The following SPAST variants were observed in gnomAD, a reference collection of about 807,000 sequenced individuals.
SPAST encodes spastin.
SPAST carries 30 observed loss-of-function variants against 76.6 expected under a neutral mutation model. The observed-to-expected ratio is 0.39, with a 90% CI of 0.29 to 0.53. The LOEUF (loss-of-function observed/expected upper bound fraction) is 0.53, where lower values mean the gene tolerates loss of function less well. Ranked by LOEUF, SPAST falls within the 20% of genes least tolerant of loss-of-function variation. The pLI is 0.68. For missense variants in SPAST, 717 were observed against 770.5 expected, an observed-to-expected ratio of 0.93 and a Z score of 0.82; for synonymous variants, 305 against 281.0, an observed-to-expected ratio of 1.09 and a Z score of -0.86.
intron 7 of SPAST, among the ~76,000 whole-genome samples, chr2:32,120,184 C>G (rs537063615): frequency 6.6e-6 from 1 of 151,944 alleles, no homozygotes; most frequent in African/African-American, 2.4e-5. Context: ...TAAACATAAG[C>G]CTTTCTTCTT....
At chr2:32,108,131 A>G (rs1678395204) in intron 4 of SPAST, among the ~76,000 whole-genome samples, 1 of 152,192 alleles carries the variant, frequency 6.6e-6, no homozygotes, top group African/African-American at 2.4e-5. Flanking sequence ...CTATTATAAT[A>G]TGTTTAAAGA....
chr2:32,111,463 T>C (rs1032670840), intron 4 of SPAST, among the ~76,000 whole-genome samples: 5 of 149,918 alleles, frequency 3.3e-5, no homozygotes, highest in Non-Finnish European at 7.4e-5. Flanking sequence ...ATATAGAGTA[T>C]ATATAGTTAC....
In SPAST at chr2:32,130,319, A is replaced by G. The variant is rs999462694; in HGVS notation, c.1245+1840A>G. The G allele has an allele frequency of 6.9e-5, 10 of 144,068 alleles. No homozygotes were observed. In the South Asian group the frequency reaches 9.9e-4, roughly 14 times the overall value. 8.9% of individuals were successfully genotyped at this position (144,068 alleles called of 1,614,324 possible). ...CAAAAACAAAACAAAACAAACTTTT[A>G]TGGTTGAAAGTGTTTTGGCAAACAT... On this transcript the variant is annotated intron_variant, in intron 9 of 16. Transcript: ENST00000315285.
chr2:32,147,205 T>A lies in SPAST; in HGVS notation c.1688-13T>A. The A allele has an allele frequency of 1.2e-6, 2 of 1,604,588 alleles. No individual in the cohort carries two copies. Among genetic ancestry groups the A allele is most frequent in the Non-Finnish European group, 1.7e-6 (2 of 1,171,520 alleles). ...GTATGTATTTTTAAGTGCCTGACTT[T>A]TATGTTTTACAGAACTAAAACCAGA... On this transcript the variant is annotated splice_polypyrimidine_tract_variant and intron_variant, in intron 15 of 16. Coordinates refer to ENST00000315285, the MANE Select transcript of SPAST (RefSeq NM_014946.4).
At chr2:32,098,745 C>T (rs1193813916) in intron 3 of SPAST, 51 bp from the exon 4 acceptor site, 1 of 1,197,130 alleles carries the variant, frequency 8.4e-7, no homozygotes, top group Non-Finnish European at 1.2e-6. Flanking sequence ...TGTTCATTAT[C>T]TTTTTTCTTT....
At chr2:32,083,764 A>ATTTTTTTTTT (rs1677352200) in intron 1 of SPAST, among the ~76,000 whole-genome samples, 1 of 45,200 alleles carries the variant, frequency 2.2e-5, no homozygotes, top group African/African-American at 9.5e-5. Flanking sequence ...ATATATATAT[A>ATTTTTTTTTT]TATATATATA....
intron 4 of SPAST, among the ~76,000 whole-genome samples, chr2:32,105,061 C>T (rs949302603): frequency 3.3e-5 from 5 of 152,114 alleles, no homozygotes; most frequent in African/African-American, 1.2e-4. Context: ...CAACTTGGTT[C>T]CATTCTCCCC....
Position 32,154,369 on chromosome 2 carries a change from T to C in SPAST, c.1729-5T>C. 6.2e-7 allele frequency: 1 copy of C among 1,612,330 alleles called. No individual in the cohort carries two copies. The highest frequency in any genetic ancestry group is 8.5e-7 in the Non-Finnish European group (1 of 1,178,384). ...TGTATTGTCATGTGCTTTTTAAAAA[T>C]CTAGATGAGAAATATTCGATTATCT... On this transcript the variant is annotated splice_polypyrimidine_tract_variant and splice_region_variant and intron_variant, in intron 16 of 16. Transcript: ENST00000315285.
chr2:32,116,837 G>T (rs376732466), intron 7 of SPAST, among the ~76,000 whole-genome samples: 1 of 152,098 alleles, frequency 6.6e-6, no homozygotes, highest in Non-Finnish European at 1.5e-5. Context: ...GTGTGGGGGC[G>T]CACGCTTGTA....
chr2:32,066,408 G>A (rs1255859639), intron 1 of SPAST, among the ~76,000 whole-genome samples: 1 of 152,088 alleles, frequency 6.6e-6, no homozygotes, highest in African/African-American at 2.4e-5. Flanking sequence ...GGTGGCTCAC[G>A]CGTGTAATCC....
rs913582278 is a variant in SPAST at position 32,157,528 on chromosome 2, C to G, written c.*3032C>G. On this transcript the variant is annotated 3_prime_UTR_variant, in exon 17 of 17. Coordinates refer to ENST00000315285, the MANE Select transcript of SPAST (RefSeq NM_014946.4). ...AGGATTTTCCTTTAAATGCTTGTCT[C>G]AATTTTAGTCTGGTCTTTTGTACTT... The G allele has an allele frequency of 7.2e-5, 11 of 152,618 alleles. No homozygotes were observed. The highest frequency in any genetic ancestry group is 2.4e-4 in the African/African-American group (10 of 41,524). The allele number at this position is 152,618 out of a possible 1,614,324, so 9.5% of individuals were successfully genotyped here.
chr2:32,155,200 T>C lies in SPAST; in HGVS notation c.*704T>C, dbSNP rs534850106. 1.3e-5 allele frequency: 2 copies of C among 152,840 alleles called. No individual in the cohort carries two copies. Among genetic ancestry groups the C allele is most frequent in the South Asian group, 4.1e-4 (2 of 4,838 alleles). The allele number at this position is 152,840 out of a possible 1,614,324, so 9.5% of individuals were successfully genotyped here. A position where few individuals can be genotyped will look rare whatever the true frequency, so the allele number is the denominator to read the frequency against. On this transcript the variant is annotated 3_prime_UTR_variant, in exon 17 of 17. Coordinates refer to ENST00000315285, the MANE Select transcript of SPAST (RefSeq NM_014946.4). ...AGCAAATATGGTAAAATAGAGAAGG[T>C]TTGAAGGTTTGAGTTACTCTGTCAT...
intron 1 of SPAST, among the ~76,000 whole-genome samples, chr2:32,078,774 CAG>C (rs1480536954): frequency 6.6e-6 from 1 of 152,142 alleles, no homozygotes; most frequent in African/African-American, 2.4e-5. Flanking sequence ...AAATATTCAT[CAG>C]AGAAAAAAAT....
rs190997478 is a variant in SPAST at position 32,108,353 on chromosome 2, G to A, written c.683-6285G>A. On this transcript the variant is annotated intron_variant, in intron 4 of 16. Transcript: ENST00000315285. ...AAATTACTAAATTGATGACTCTCAC[G>A]TAGCAACTTTCACCCGTAGTTTGGT... 9.2e-5 allele frequency among the ~76,000 whole-genome samples: 14 copies of A among 152,236 alleles called. No individual in the cohort carries two copies. In the East Asian group the frequency reaches 1.9e-3, roughly 21 times the overall value.
intron 1 of SPAST, among the ~76,000 whole-genome samples, chr2:32,081,379 C>T (rs771207747): frequency 5.1e-4 from 77 of 152,294 alleles, no homozygotes; most frequent in Non-Finnish European, 9.0e-4. Context: ...TAGGCATGAG[C>T]CACCACGCCT....
chr2:32,125,837 C>G (rs555324595), intron 7 of SPAST, among the ~76,000 whole-genome samples: 4 of 152,048 alleles, frequency 2.6e-5, no homozygotes, highest in African/African-American at 9.7e-5. Context: ...CTCTGTCGCC[C>G]GGGTTGGAGT....
intron 1 of SPAST, among the ~76,000 whole-genome samples, chr2:32,066,967 T>G (rs1376505216): frequency 2.4e-5 from 2 of 84,084 alleles, no homozygotes; most frequent in East Asian, 6.2e-4. Context: ...GGAGTAAAAC[T>G]GTCTCAAAAA....
At chr2:32,081,397 G>C (rs6727873) in intron 1 of SPAST, among the ~76,000 whole-genome samples, 17,693 of 152,106 alleles carry the variant, frequency 0.12, 1,337 homozygotes, top group Non-Finnish European at 0.18. Context: ...CCTGGCTGTG[G>C]CTCAGTTCTT....
chr2:32,065,123 G>T (rs1676458322), intron 1 of SPAST, among the ~76,000 whole-genome samples: 1 of 151,714 alleles, frequency 6.6e-6, no homozygotes, highest in Non-Finnish European at 1.5e-5. Context: ...TGGTTCCAGC[G>T]ATTCTCCTGC....
Sources: gnomAD v4.1 joint callset for allele counts (sites outside exome capture counted in the v4.1 genomes callset) on GRCh38, gnomAD v4.1.1 for gene constraint, MANE v1.5 for transcripts, NCBI Gene and HGNC (gene_info 2026-07-23, HGNC 2026-07-21) for gene names.